The following THSD4 variants were observed in gnomAD, a reference collection of about 807,000 sequenced individuals.
THSD4 encodes thrombospondin type 1 domain containing 4, also known as thrombospondin type-1 domain-containing protein 4.
THSD4 carries 69 observed loss-of-function variants against 119.0 expected under a neutral mutation model. That is an observed-to-expected ratio of 0.58 (90% CI 0.48 to 0.71). The LOEUF (loss-of-function observed/expected upper bound fraction) is 0.71, where lower values mean the gene tolerates loss of function less well. THSD4 is among the 30% of genes least tolerant of loss of function. The pLI, the probability that THSD4 is intolerant of heterozygous loss-of-function variation, is 0.00. For synonymous variants in THSD4, 524 were observed against 540.4 expected (o/e 0.97, Z 0.42); for missense variants, 1,393 against 1,391.1 (o/e 1.00, Z -0.02).
At chr15:71,497,262 C>T (rs935945517) in intron 7 of THSD4, among the ~76,000 whole-genome samples, 3 of 152,182 alleles carry the variant, frequency 2.0e-5, no homozygotes, top group Non-Finnish European at 2.9e-5. Context: ...CCTATAATCC[C>T]AGCACTCCGG....
At chr15:71,587,786 T>TAAAAAAAAAAAAAAA (rs1491483701) in intron 7 of THSD4, among the ~76,000 whole-genome samples, 1 of 5,772 alleles carries the variant, frequency 1.7e-4, no homozygotes, top group Non-Finnish European at 5.0e-4. Flanking sequence ...AAAAAAAAAA[T>TAAAAAAAAAAAAAAA]TAAAAAAAAA....
intron 2 of THSD4, among the ~76,000 whole-genome samples, chr15:71,153,942 C>T (rs1304998294): frequency 1.3e-5 from 2 of 152,190 alleles, no homozygotes; most frequent in African/African-American, 2.4e-5. Context: ...TTTCCAATCA[C>T]ATTCAGCGGG....
rs1017283225 is a variant in THSD4, at chr15:71,558,748, C to T, written c.1153-101782C>T. ...GGCCTCCCAAAGTGCTGGGATTACA[C>T]ACGTGAGCCACTGCCCCTGGCCTCA... On this transcript the variant is annotated intron_variant, in intron 7 of 17. Transcript: ENST00000261862. Among the ~76,000 whole-genome samples, 8 of 152,094 alleles carry T rather than the reference C, an allele frequency of 5.3e-5. 1 individual carries two copies. Among genetic ancestry groups the T allele is most frequent in the Non-Finnish European group, 1.2e-4 (8 of 68,022 alleles).
chr15:71,745,770 G>T (rs79849902), intron 12 of THSD4, among the ~76,000 whole-genome samples: 1 of 152,060 alleles, frequency 6.6e-6, no homozygotes, highest in Non-Finnish European at 1.5e-5. Context: ...TCAGCCTCCC[G>T]AGTAGCTGGG....
At chr15:71,379,231 G>A (rs1319529558) in intron 6 of THSD4, among the ~76,000 whole-genome samples, 1 of 150,708 alleles carries the variant, frequency 6.6e-6, no homozygotes, top group Non-Finnish European at 1.5e-5. Flanking sequence ...CTTAGCTGTT[G>A]GTTACAGAGA....
At chr15:71,237,698 G>A (rs536223177) in intron 4 of THSD4, among the ~76,000 whole-genome samples, 2 of 152,318 alleles carry the variant, frequency 1.3e-5, no homozygotes, top group East Asian at 3.9e-4. Flanking sequence ...TGATGCTCGG[G>A]AGAGGGATCT....
intron 8 of THSD4, among the ~76,000 whole-genome samples, chr15:71,725,760 A>C (rs74420110): frequency 0.19 from 28,610 of 152,074 alleles, 2,800 homozygotes; most frequent in Middle Eastern, 0.22. Flanking sequence ...ATGGTTGAGG[A>C]ATTAGTGGGA....
In THSD4 at chr15:71,295,684, T is replaced by TAA. The variant is rs35437901; in HGVS notation, c.1015+38979_1015+38980dup. ...CAGAATCACCTGGGGACATTTTCTT[T>TAA]AAAAAAAAAAAGCCAGCTCTATTGA... is the stretch of plus-strand genomic sequence containing the variant. On this transcript the variant is annotated intron_variant, in intron 6 of 17. Coordinates refer to ENST00000261862, the MANE Select transcript of THSD4 (RefSeq NM_024817.3). Among the ~76,000 whole-genome samples, 792 of 146,992 alleles carry TAA rather than the reference T, an allele frequency of 5.4e-3. 13 individuals carry two copies. Among genetic ancestry groups the TAA allele is most frequent in the African/African-American group, 0.019 (754 of 40,230 alleles).
chr15:71,628,284 G>C (rs1016865067), intron 7 of THSD4, among the ~76,000 whole-genome samples: 5 of 152,204 alleles, frequency 3.3e-5, no homozygotes, highest in Admixed American at 1.3e-4. Context: ...GGTAAAAAAG[G>C]AAAGGCTGAG....
intron 8 of THSD4, among the ~76,000 whole-genome samples, chr15:71,721,437 G>A (rs899829002): frequency 3.3e-5 from 5 of 152,134 alleles, no homozygotes; most frequent in Admixed American, 3.3e-4. Context: ...GAACCTGGGA[G>A]GCGGAGGTTG....
intron 7 of THSD4, among the ~76,000 whole-genome samples, chr15:71,495,926 C>A (rs1226858524): frequency 6.6e-6 from 1 of 152,178 alleles, no homozygotes; most frequent in African/African-American, 2.4e-5. Flanking sequence ...GCTTTGGCAG[C>A]GTTCAGGACA....
At chr15:71,490,748 T>C (rs1428311472) in intron 7 of THSD4, among the ~76,000 whole-genome samples, 2 of 152,094 alleles carry the variant, frequency 1.3e-5, no homozygotes, top group Non-Finnish European at 2.9e-5. Flanking sequence ...AATTAATTAA[T>C]TATAAGTTGT....
chr15:71,565,571 G>A (rs1177877335), intron 7 of THSD4, among the ~76,000 whole-genome samples: 1 of 152,206 alleles, frequency 6.6e-6, no homozygotes, highest in African/African-American at 2.4e-5. Flanking sequence ...GCACCCATTC[G>A]TTGAAATGAT....
intron 7 of THSD4, among the ~76,000 whole-genome samples, chr15:71,490,718 G>A (rs1470974183): frequency 6.6e-6 from 1 of 152,128 alleles, no homozygotes; most frequent in Non-Finnish European, 1.5e-5. Context: ...AACAGAGCAG[G>A]ACTCTGTCTC....
chr15:71,725,816 T>G (rs2052824043), intron 8 of THSD4, among the ~76,000 whole-genome samples: 1 of 152,106 alleles, frequency 6.6e-6, no homozygotes, highest in African/African-American at 2.4e-5. Flanking sequence ...TTTTCCTTTT[T>G]TTTTTCTGAG....
At chr15:71,699,210 C>CTTTTTT (rs34295616) in intron 8 of THSD4, among the ~76,000 whole-genome samples, 2 of 73,006 alleles carry the variant, frequency 2.7e-5, no homozygotes, top group Non-Finnish European at 4.6e-5. Context: ...ATAGCTACAG[C>CTTTTTT]TTTTTTTTTT....
intron 1 of THSD4, among the ~76,000 whole-genome samples, chr15:71,135,392 C>A (rs934036105): frequency 6.2e-4 from 76 of 122,404 alleles, no homozygotes; most frequent in East Asian, 1.2e-3. Context: ...TACTAAATGA[C>A]AAAAAAAAAA....
At chr15:71,242,615 C>G (rs201725389) in intron 4 of THSD4, 34 bp from the exon 5 acceptor site, 2 of 1,596,950 alleles carry the variant, frequency 1.3e-6, no homozygotes, top group Non-Finnish European at 1.7e-6. Flanking sequence ...TCATCCGACT[C>G]TGATCATCTC....
At chr15:71,518,324 G>A (rs1333939701) in intron 7 of THSD4, among the ~76,000 whole-genome samples, 3 of 151,732 alleles carry the variant, frequency 2.0e-5, no homozygotes, top group African/African-American at 7.3e-5. Flanking sequence ...GCTTTAAAAC[G>A]TTAAATATGG....
Sources: gnomAD v4.1 joint callset for allele counts (sites outside exome capture counted in the v4.1 genomes callset) on GRCh38, gnomAD v4.1.1 for gene constraint, MANE v1.5 for transcripts, NCBI Gene and HGNC (gene_info 2026-07-23, HGNC 2026-07-21) for gene names.